Variants in COBL observed in about 807,000 individuals in gnomAD.
COBL encodes the protein protein cordon-bleu.
A neutral mutation model predicts 98.8 loss-of-function variants in COBL; 51 were observed. The observed-to-expected ratio is 0.52, with a 90% CI of 0.41 to 0.65. COBL has a LOEUF of 0.65. COBL is among the 30% of genes least tolerant of loss of function. The probability of loss-of-function intolerance (pLI) is 0.00; values close to 1 mark genes in which losing one functional copy is unlikely to be tolerated. For synonymous variants in COBL, 634 were observed against 651.7 expected, an observed-to-expected ratio of 0.97 and a Z score of 0.41; for missense variants, 1,617 against 1,617.5, an observed-to-expected ratio of 1.00 and a Z score of 0.01.
chr7:51,028,534 G>A lies in COBL; in HGVS notation c.2562C>T (p.Val854=). The A allele has an allele frequency of 6.2e-7, 1 of 1,614,272 alleles. No homozygotes were observed. Among genetic ancestry groups the A allele is most frequent in the East Asian group, 2.2e-5 (1 of 44,882 alleles). Reference sequence around the variant, plus strand: ...TTCTTCTCTGAGGCTTGAGAAATGTGACTTCTGTGGTGTGAGCTGCTGGCA... The same window carrying A: ...TTCTTCTCTGAGGCTTGAGAAATGTAACTTCTGTGGTGTGAGCTGCTGGCA... The part of the protein sequence containing the change: ...VRVPAAHTTE[V]TFLKPQRRTS... Residue 854 remains valine, a synonymous_variant, in exon 10 of 13, where the codon GTC becomes GTT. Transcript: ENST00000265136.
intron 7 of COBL, among the ~76,000 whole-genome samples, chr7:51,059,258 T>C (rs902111635): frequency 6.6e-6 from 1 of 152,268 alleles, no homozygotes; most frequent in African/African-American, 2.4e-5. Flanking sequence ...TAGAAGTGTT[T>C]TGGTCTTTAT....
intron 7 of COBL, among the ~76,000 whole-genome samples, chr7:51,080,877 C>T (rs1024303735): frequency 7.3e-5 from 11 of 149,694 alleles, no homozygotes; most frequent in Non-Finnish European, 4.4e-5. Flanking sequence ...AAGGAGCACC[C>T]AGATTTCAAC....
At chr7:51,199,435 C>T (rs929289481) in intron 2 of COBL, among the ~76,000 whole-genome samples, 2 of 152,150 alleles carry the variant, frequency 1.3e-5, no homozygotes, top group African/African-American at 4.8e-5. Flanking sequence ...AAACATAACA[C>T]CACCAAAGTT....
At chr7:51,224,002 C>A (rs1793920830) in intron 1 of COBL, among the ~76,000 whole-genome samples, 1 of 152,160 alleles carries the variant, frequency 6.6e-6, no homozygotes. Context: ...ACTGTAATAC[C>A]TTTCCTATGG....
chr7:51,307,115 C>A (rs975246310), intron 1 of COBL, among the ~76,000 whole-genome samples: 4 of 152,042 alleles, frequency 2.6e-5, no homozygotes, highest in Non-Finnish European at 4.4e-5. Context: ...GAGGCCAAGG[C>A]GGGTGGATCA....
At chr7:51,202,084 G>C (rs1584151002) in intron 2 of COBL, among the ~76,000 whole-genome samples, 1 of 152,282 alleles carries the variant, frequency 6.6e-6, no homozygotes, top group South Asian at 2.1e-4. Flanking sequence ...TTGTGTTTCA[G>C]TCACCCTTAC....
intron 12 of COBL, among the ~76,000 whole-genome samples, chr7:51,022,242 A>C (rs1787011537): frequency 6.6e-6 from 1 of 152,298 alleles, no homozygotes; most frequent in South Asian, 2.1e-4. Flanking sequence ...AATGCCACAT[A>C]AATATTAATT....
intron 2 of COBL, among the ~76,000 whole-genome samples, chr7:51,200,771 C>T (rs1277747264): frequency 6.6e-6 from 1 of 152,030 alleles, no homozygotes; most frequent in East Asian, 1.9e-4. Flanking sequence ...TAAGTCCTTA[C>T]CTATTAATAA....
rs541268342 is a variant in COBL, at chr7:51,050,495, G to A, written c.1097-6803C>T. ...GGTAACCAATTTATCATATCTGGGT[G>A]AGACTATCTGCCCCTAACTATTTCC... On this transcript the variant is annotated intron_variant, in intron 7 of 12. Coordinates refer to ENST00000265136, the MANE Select transcript of COBL (RefSeq NM_015198.5). Among the ~76,000 whole-genome samples, 17 of 152,326 alleles carry A rather than the reference G, an allele frequency of 1.1e-4. No individual in the cohort carries two copies. In the South Asian group the frequency reaches 3.5e-3, roughly 32 times the overall value.
At chr7:51,098,599 T>C (rs1795523946) in intron 6 of COBL, among the ~76,000 whole-genome samples, 1 of 152,040 alleles carries the variant, frequency 6.6e-6, no homozygotes, top group South Asian at 2.1e-4. Context: ...GTTAACCATA[T>C]AAAAAAATTA....
intron 1 of COBL, among the ~76,000 whole-genome samples, chr7:51,287,625 C>G (rs1800491819): frequency 6.6e-6 from 1 of 152,182 alleles, no homozygotes; most frequent in African/African-American, 2.4e-5. Flanking sequence ...AGCACTCCCA[C>G]TCCTGGGTAT....
At chr7:51,119,560 T>C (rs903653884) in intron 6 of COBL, among the ~76,000 whole-genome samples, 1 of 152,156 alleles carries the variant, frequency 6.6e-6, no homozygotes, top group Admixed American at 6.5e-5. Flanking sequence ...ATATGGAAAC[T>C]GGGTAGTAAG....
intron 2 of COBL, among the ~76,000 whole-genome samples, chr7:51,216,591 G>A (rs955226349): frequency 3.9e-5 from 6 of 151,946 alleles, no homozygotes; most frequent in East Asian, 1.9e-4. Context: ...CCCTATGAAC[G>A]GCTCAGAGCA....
intron 5 of COBL, among the ~76,000 whole-genome samples, chr7:51,148,414 A>G (rs1785242337): frequency 6.6e-6 from 1 of 152,082 alleles, no homozygotes; most frequent in South Asian, 2.1e-4. Context: ...GTGCTATTCA[A>G]TGTCTCCCTC....
chr7:51,253,986 A>T (rs1309977899), intron 1 of COBL, among the ~76,000 whole-genome samples: 1 of 152,188 alleles, frequency 6.6e-6, no homozygotes, highest in Non-Finnish European at 1.5e-5. Flanking sequence ...AAATTATATA[A>T]GCAAGCCATA....
intron 5 of COBL, 118 bp downstream of exon 5, chr7:51,183,984 G>A: frequency 1.9e-6 from 1 of 518,308 alleles, no homozygotes; most frequent in Non-Finnish European, 3.4e-6. Flanking sequence ...TTACCTGAAG[G>A]AATTAGTATT....
intron 2 of COBL, among the ~76,000 whole-genome samples, chr7:51,202,502 C>T (rs1015910689): frequency 9.2e-5 from 14 of 152,128 alleles, no homozygotes; most frequent in African/African-American, 2.7e-4. Flanking sequence ...AACTTTAGTA[C>T]GATCTGTGGT....
chr7:51,173,356 G>T (rs1788064906), intron 5 of COBL, among the ~76,000 whole-genome samples: 1 of 151,156 alleles, frequency 6.6e-6, no homozygotes. Flanking sequence ...AAATTTTTTT[G>T]TATTTTAGTA....
At chr7:51,300,039 TC>T (rs1801786527) in intron 1 of COBL, among the ~76,000 whole-genome samples, 1 of 152,216 alleles carries the variant, frequency 6.6e-6, no homozygotes, top group Non-Finnish European at 1.5e-5. Context: ...GCATCTCTGA[TC>T]CCCATGACCC....
Sources: allele counts gnomAD v4.1 joint callset (sites outside exome capture counted in the v4.1 genomes callset), GRCh38; gene constraint gnomAD v4.1.1; transcripts MANE v1.5; gene names NCBI Gene and HGNC (gene_info 2026-07-23, HGNC 2026-07-21).